ZBTB16: variants seen among roughly 807,000 people sequenced by gnomAD.
ZBTB16 encodes zinc finger and BTB domain containing 16, also known as zinc finger and BTB domain-containing protein 16.
Under a neutral mutation model 56.8 loss-of-function variants are expected in ZBTB16, and 8 were observed. That is an observed-to-expected ratio of 0.14 (90% CI 0.08 to 0.25). The LOEUF (loss-of-function observed/expected upper bound fraction) is 0.25, where lower values mean the gene tolerates loss of function less well. Ranked by LOEUF, ZBTB16 falls within the 10% of genes least tolerant of loss-of-function variation. The pLI, the probability that ZBTB16 is intolerant of heterozygous loss-of-function variation, is 1.00. For synonymous variants in ZBTB16, 363 were observed against 368.5 expected (o/e 0.98, Z 0.17); for missense variants, 625 against 903.0 (o/e 0.69, Z 3.95).
intron 2 of ZBTB16, among the ~76,000 whole-genome samples, chr11:114,105,775 ATACT>A (rs892572187): frequency 7.2e-5 from 11 of 152,170 alleles, no homozygotes; most frequent in African/African-American, 2.7e-4. Flanking sequence ...AGGAAGACAA[ATACT>A]TACAAATTGT....
intron 2 of ZBTB16, among the ~76,000 whole-genome samples, chr11:114,076,501 G>A (rs1221279451): frequency 6.6e-6 from 1 of 152,146 alleles, no homozygotes; most frequent in African/African-American, 2.4e-5. Flanking sequence ...TGCTTCGAAG[G>A]CGTTTGTAGA....
intron 2 of ZBTB16, among the ~76,000 whole-genome samples, chr11:114,114,955 T>C (rs897579920): frequency 6.6e-6 from 1 of 152,160 alleles, no homozygotes; most frequent in Non-Finnish European, 1.5e-5. Context: ...AGTGCTGGGA[T>C]TACAGGTGTG....
chr11:114,156,270 G>T, intron 2 of ZBTB16, 67 bp from the exon 3 acceptor site: 1 of 1,540,516 alleles, frequency 6.5e-7, no homozygotes, highest in South Asian at 1.1e-5. Context: ...AAGCCCCCAG[G>T]TAGGGGATGG....
At chr11:114,137,364 C>G (rs1244498565) in intron 2 of ZBTB16, among the ~76,000 whole-genome samples, 1 of 152,136 alleles carries the variant, frequency 6.6e-6, no homozygotes, top group African/African-American at 2.4e-5. Flanking sequence ...GAAGAGCTCT[C>G]CAAAATGGAA....
intron 4 of ZBTB16, chr11:114,188,391 A>T (rs899899735): frequency 1.4e-4 from 22 of 152,062 alleles, no homozygotes; most frequent in African/African-American, 5.3e-4. Context: ...TTTAATCCTG[A>T]CTCTGCCACT....
intron 4 of ZBTB16, among the ~76,000 whole-genome samples, chr11:114,191,585 C>T (rs940371034): frequency 2.6e-5 from 4 of 152,164 alleles, no homozygotes; most frequent in Non-Finnish European, 5.9e-5. Flanking sequence ...TCCACGACTC[C>T]CCAGCTGCCT....
At chr11:114,192,706 C>T (rs1336870708) in intron 4 of ZBTB16, among the ~76,000 whole-genome samples, 2 of 152,140 alleles carry the variant, frequency 1.3e-5, no homozygotes, top group African/African-American at 4.8e-5. Flanking sequence ...GGTTATTTTG[C>T]CCAGGGTTCC....
intron 3 of ZBTB16, among the ~76,000 whole-genome samples, chr11:114,177,232 A>G (rs1282390081): frequency 6.6e-6 from 1 of 152,230 alleles, no homozygotes; most frequent in Non-Finnish European, 1.5e-5. Flanking sequence ...TGCGAAGTTG[A>G]TGCTGGTACC....
At chr11:114,148,556 C>T (rs1453771235) in intron 2 of ZBTB16, among the ~76,000 whole-genome samples, 3 of 150,444 alleles carry the variant, frequency 2.0e-5, no homozygotes, top group Admixed American at 6.7e-5. Context: ...TGCAGTGGTA[C>T]GATCTCGACT....
chr11:114,182,144 C>T (rs898247007), intron 3 of ZBTB16, among the ~76,000 whole-genome samples: 14 of 152,170 alleles, frequency 9.2e-5, no homozygotes, highest in Non-Finnish European at 1.3e-4. Context: ...CTCTGCCTTC[C>T]GGGCTCAAGC....
chr11:114,063,384 G>C lies in ZBTB16; in HGVS notation c.84G>C (p.Arg28=). Reference sequence around the variant, plus strand: ...TACTGTGCAAGGCCAACCAGATGCGGCTGGCCGGGACTTTGTGCGATGTGG... The same window carrying C: ...TACTGTGCAAGGCCAACCAGATGCGCCTGGCCGGGACTTTGTGCGATGTGG... ...TGLLCKANQM[R]LAGTLCDVVI... The change falls in exon 2 of 7, where the codon CGG becomes CGC. Residue 28 remains arginine, a synonymous_variant. Transcript: ENST00000335953. The surrounding 1 kb of genome is among the most constrained non-coding windows in gnomAD (Gnocchi z 6.5). 1 of 1,614,136 alleles carries C rather than the reference G, an allele frequency of 6.2e-7. No homozygotes were observed. The highest frequency in any genetic ancestry group is 8.5e-7 in the Non-Finnish European group (1 of 1,180,040).
At chr11:114,106,472 CTTT>C (rs59505866) in intron 2 of ZBTB16, among the ~76,000 whole-genome samples, 6 of 139,614 alleles carry the variant, frequency 4.3e-5, no homozygotes, top group African/African-American at 5.3e-5. Context: ...TCACGATCTT[CTTT>C]TTTTTTTTTT....
chr11:114,144,177 GACACACACACACACACACACACACAC>G (rs56679355), intron 2 of ZBTB16, among the ~76,000 whole-genome samples: 1 of 144,968 alleles, frequency 6.9e-6, no homozygotes, highest in East Asian at 2.1e-4. Flanking sequence ...GTGTTTGCCA[GACACACACACACACACACACACACAC>G]ACACACACAC....
At chr11:114,173,983 A>G (rs976433765) in intron 3 of ZBTB16, among the ~76,000 whole-genome samples, 2 of 152,146 alleles carry the variant, frequency 1.3e-5, no homozygotes, top group African/African-American at 2.4e-5. Context: ...ATTATAAGTC[A>G]CTCTAGAAGA....
chr11:114,244,390 C>A (rs1469533474), intron 5 of ZBTB16, among the ~76,000 whole-genome samples: 1 of 151,852 alleles, frequency 6.6e-6, no homozygotes, highest in African/African-American at 2.4e-5. Flanking sequence ...CACAGGTGCA[C>A]TGGGCAGGCT....
chr11:114,078,319 C>G (rs1250104486), intron 2 of ZBTB16, among the ~76,000 whole-genome samples: 2 of 152,126 alleles, frequency 1.3e-5, no homozygotes, highest in African/African-American at 4.8e-5. Context: ...TGGTCGTCTC[C>G]CACCCCTACA....
chr11:114,226,833 G>A (rs528387271), intron 4 of ZBTB16, among the ~76,000 whole-genome samples: 9 of 152,276 alleles, frequency 5.9e-5, no homozygotes, highest in African/African-American at 2.2e-4. Context: ...AGATGTGGGG[G>A]TAATGGGAAA....
At chr11:114,077,305 T>C (rs1055668655) in intron 2 of ZBTB16, among the ~76,000 whole-genome samples, 2 of 152,148 alleles carry the variant, frequency 1.3e-5, no homozygotes, top group Non-Finnish European at 2.9e-5. Flanking sequence ...CACTCTCCTC[T>C]TGGTTCTTGA....
chr11:114,180,701 C>G (rs1943227689), intron 3 of ZBTB16: 1 of 152,268 alleles, frequency 6.6e-6, no homozygotes, highest in South Asian at 2.1e-4. Flanking sequence ...CCATTGCGCC[C>G]TTCCCAGGTG....
Sources: allele counts gnomAD v4.1 joint callset (sites outside exome capture counted in the v4.1 genomes callset), GRCh38; gene constraint gnomAD v4.1.1; non-coding constraint Gnocchi (gnomAD v3.1); transcripts MANE v1.5; gene names NCBI Gene and HGNC (gene_info 2026-07-23, HGNC 2026-07-21).